Variants in SLC35D4 observed in about 807,000 individuals in gnomAD.
SLC35D4 encodes UDP-N-acetylglucosamine transporter SLC35D4.
At chr18:23,413,722 C>T in the SLC35D4 span, among the ~76,000 whole-genome samples, 1 of 151,292 alleles carries the variant, frequency 6.6e-6, no homozygotes, top group South Asian at 2.1e-4. Context: ...GTCAGGAGTT[C>T]GAGACCAGCC....
the SLC35D4 span, among the ~76,000 whole-genome samples, chr18:23,402,028 G>A: frequency 6.6e-6 from 1 of 152,330 alleles, no homozygotes; most frequent in Middle Eastern, 3.4e-3. Flanking sequence ...CCCGGTGCTT[G>A]TGTTCTCCGA....
chr18:23,411,298 G>C, the SLC35D4 span, among the ~76,000 whole-genome samples: 1 of 142,886 alleles, frequency 7.0e-6, no homozygotes, highest in Non-Finnish European at 1.5e-5. Flanking sequence ...GAGGGGAAAG[G>C]GAAGAGGAGG....
chr18:23,436,439 A>T, the SLC35D4 span, among the ~76,000 whole-genome samples: 1 of 152,188 alleles, frequency 6.6e-6, no homozygotes, highest in East Asian at 1.9e-4. Context: ...AGTAAAACCC[A>T]TCACTGCCTC....
the SLC35D4 span, among the ~76,000 whole-genome samples, chr18:23,240,580 A>C: frequency 6.6e-6 from 1 of 152,238 alleles, no homozygotes; most frequent in Non-Finnish European, 1.5e-5. Flanking sequence ...CAGAGGGCAG[A>C]TTCCCTCCTG....
At chr18:23,403,440 A>C in the SLC35D4 span, among the ~76,000 whole-genome samples, 1 of 152,242 alleles carries the variant, frequency 6.6e-6, no homozygotes, top group Admixed American at 6.5e-5. Context: ...TACAGGAGAC[A>C]GGGTAGAACA....
At chr18:23,407,825 AT>A in the SLC35D4 span, among the ~76,000 whole-genome samples, 10 of 152,302 alleles carry the variant, frequency 6.6e-5, no homozygotes, top group Middle Eastern at 3.4e-3. Context: ...ACTTGGCTGC[AT>A]TTATCAAAAG....
the SLC35D4 span, among the ~76,000 whole-genome samples, chr18:23,311,663 T>C: frequency 1.1e-4 from 17 of 152,216 alleles, no homozygotes; most frequent in Non-Finnish European, 8.8e-5. Flanking sequence ...ATTAGCCTAA[T>C]CAAGTCTTCT....
chr18:23,422,881 T>C, the SLC35D4 span, among the ~76,000 whole-genome samples: 1 of 152,102 alleles, frequency 6.6e-6, no homozygotes, highest in Non-Finnish European at 1.5e-5. Context: ...CTTGCTCTAA[T>C]TGCTTTTTCA....
the SLC35D4 span, among the ~76,000 whole-genome samples, chr18:23,404,422 C>T: frequency 6.6e-6 from 1 of 152,152 alleles, no homozygotes; most frequent in African/African-American, 2.4e-5. Flanking sequence ...CACCTGTAAT[C>T]CCAGCACTTT....
the SLC35D4 span, among the ~76,000 whole-genome samples, chr18:23,354,583 G>T: frequency 6.6e-6 from 1 of 151,664 alleles, no homozygotes; most frequent in East Asian, 1.9e-4. Flanking sequence ...GAAAAGGGAG[G>T]CAGCAGTGCT....
chr18:23,308,876 C>CTG, the SLC35D4 span, among the ~76,000 whole-genome samples: 47,811 of 139,538 alleles, frequency 0.34, 8,504 homozygotes, highest in Non-Finnish European at 0.41. Flanking sequence ...CTCTCTCTCT[C>CTG]TGTGTGTGTG....
chr18:23,342,187 G>A, the SLC35D4 span, among the ~76,000 whole-genome samples: 2 of 152,132 alleles, frequency 1.3e-5, no homozygotes, highest in Admixed American at 6.5e-5. Flanking sequence ...CAGTTTGAAA[G>A]TTTCCATTAG....
chr18:23,266,280 G>T, the SLC35D4 span, among the ~76,000 whole-genome samples: 12 of 152,092 alleles, frequency 7.9e-5, no homozygotes, highest in South Asian at 2.5e-3. Flanking sequence ...GGGGGTCATA[G>T]TACCTCCCAT....
chr18:23,246,543 C>A, the SLC35D4 span, among the ~76,000 whole-genome samples: 5 of 151,900 alleles, frequency 3.3e-5, no homozygotes, highest in Admixed American at 6.6e-5. Context: ...AGGCACCCGC[C>A]ACCACACCCG....
At chr18:23,370,223 C>T in the SLC35D4 span, 1 of 1,605,846 alleles carries the variant, frequency 6.2e-7, no homozygotes, top group Non-Finnish European at 8.5e-7. Context: ...TACCTTAATG[C>T]ACTGGGTTTC....
the SLC35D4 span, among the ~76,000 whole-genome samples, chr18:23,371,887 A>C: frequency 6.8e-6 from 1 of 147,216 alleles, no homozygotes; most frequent in Admixed American, 6.8e-5. Flanking sequence ...TCTCCACAGG[A>C]CTTAGTATCA....
chr18:23,378,584 G>A, the SLC35D4 span, among the ~76,000 whole-genome samples: 1 of 152,172 alleles, frequency 6.6e-6, no homozygotes, highest in African/African-American at 2.4e-5. Context: ...CTTTTGATGA[G>A]TCAGTTTAAT....
At chr18:23,386,786 G>A in the SLC35D4 span, among the ~76,000 whole-genome samples, 1 of 151,702 alleles carries the variant, frequency 6.6e-6, no homozygotes, top group African/African-American at 2.4e-5. Flanking sequence ...AGGATATACT[G>A]GTACCTACTG....
At chr18:23,243,716 A>G in the SLC35D4 span, among the ~76,000 whole-genome samples, 6 of 152,116 alleles carry the variant, frequency 3.9e-5, no homozygotes, top group East Asian at 1.2e-3. Context: ...ACTAAAAAAT[A>G]CAAAAATTAG....
Sources: gnomAD v4.1 joint callset for allele counts (sites outside exome capture counted in the v4.1 genomes callset) on GRCh38, gnomAD v4.1.1 for gene constraint, MANE v1.5 for transcripts, NCBI Gene and HGNC (gene_info 2026-07-23, HGNC 2026-07-21) for gene names.